The following GRIN2A variants were observed in gnomAD, a reference collection of about 807,000 sequenced individuals.
GRIN2A encodes glutamate ionotropic receptor NMDA type subunit 2A.
Under a neutral mutation model 113.4 loss-of-function variants are expected in GRIN2A, and 22 were observed. The observed-to-expected ratio is 0.19, with a 90% CI of 0.14 to 0.28. GRIN2A has a LOEUF of 0.28. Among genes scored for constraint, GRIN2A ranks in the 10% least tolerant of loss-of-function variants. The pLI, the probability that GRIN2A is intolerant of heterozygous loss-of-function variation, is 1.00. For missense variants in GRIN2A, 1,502 were observed against 1,887.0 expected, an observed-to-expected ratio of 0.80 and a Z score of 3.78; for synonymous variants, 827 against 738.4, an observed-to-expected ratio of 1.12 and a Z score of -1.94.
At chr16:10,090,926 A>G (rs1448399502) in intron 2 of GRIN2A, among the ~76,000 whole-genome samples, 2 of 152,208 alleles carry the variant, frequency 1.3e-5, no homozygotes, top group Non-Finnish European at 1.5e-5. Context: ...CATGGCCAAT[A>G]AGAAATGAAA....
intron 2 of GRIN2A, among the ~76,000 whole-genome samples, chr16:10,133,282 T>C (rs1440791515): frequency 6.6e-6 from 1 of 152,122 alleles, no homozygotes; most frequent in Non-Finnish European, 1.5e-5. Context: ...CAAAACTAAC[T>C]CACGATAGTG....
chr16:9,894,604 G>A (rs1266880747), intron 3 of GRIN2A, among the ~76,000 whole-genome samples: 1 of 152,140 alleles, frequency 6.6e-6, no homozygotes, highest in Non-Finnish European at 1.5e-5. Flanking sequence ...GGACTGTTTA[G>A]TGGAGAACTG....
At chr16:9,971,276 A>G (rs530310466) in intron 2 of GRIN2A, among the ~76,000 whole-genome samples, 74 of 152,302 alleles carry the variant, frequency 4.9e-4, no homozygotes, top group African/African-American at 1.7e-3. Context: ...TGATATAACA[A>G]TTTCCCTTGG....
chr16:10,059,720 GAA>G (rs34385533), intron 2 of GRIN2A, among the ~76,000 whole-genome samples: 3,669 of 118,188 alleles, frequency 0.031, 157 homozygotes, highest in African/African-American at 0.1. Flanking sequence ...CATCGTGACC[GAA>G]AAAAAAAAAA....
At chr16:9,988,956 C>T (rs930585564) in intron 2 of GRIN2A, among the ~76,000 whole-genome samples, 13 of 152,114 alleles carry the variant, frequency 8.5e-5, no homozygotes, top group Admixed American at 3.3e-4. Flanking sequence ...TATCTTGGTC[C>T]ATTATTCTGT....
chr16:9,870,054 C>T (rs918434481), intron 4 of GRIN2A, among the ~76,000 whole-genome samples: 2 of 152,084 alleles, frequency 1.3e-5, no homozygotes, highest in Admixed American at 6.5e-5. Context: ...TAAGAGGAGA[C>T]AGATCTGCTT....
At chr16:9,919,300 T>C (rs2044314742) in intron 3 of GRIN2A, among the ~76,000 whole-genome samples, 1 of 152,210 alleles carries the variant, frequency 6.6e-6, no homozygotes, top group Admixed American at 6.5e-5. Context: ...ATAAATTGCC[T>C]TTATCATCAG....
intron 2 of GRIN2A, among the ~76,000 whole-genome samples, chr16:10,169,148 C>T (rs1368479049): frequency 6.6e-6 from 1 of 152,086 alleles, no homozygotes; most frequent in African/African-American, 2.4e-5. Context: ...CCAGGCTAAA[C>T]ATCCCTAAAT....
At position 9,762,282 on chromosome 16, in the gene GRIN2A, A is replaced by C. The variant is rs961637334; in HGVS notation, c.*867T>G. 6.2e-5 allele frequency: 14 copies of C among 226,340 alleles called. No individual in the cohort carries two copies. The highest frequency in any genetic ancestry group is 3.1e-4 in the African/African-American group (14 of 44,930). 14.0% of individuals were successfully genotyped at this position (226,340 alleles called of 1,614,324 possible). A position where few individuals can be genotyped will look rare whatever the true frequency, so the allele number is the denominator to read the frequency against. On this transcript the variant is annotated 3_prime_UTR_variant, in exon 13 of 13. Coordinates refer to ENST00000330684, the MANE Select transcript of GRIN2A (RefSeq NM_001134407.3). Reference sequence around the variant, plus strand: ...AGGGAGGAAATGCAAACTTACGTACATAGGCGTCTTCGGGATAAACTACAA... The same window carrying C: ...AGGGAGGAAATGCAAACTTACGTACCTAGGCGTCTTCGGGATAAACTACAA...
At chr16:9,789,635 C>T (rs1445528408) in intron 11 of GRIN2A, among the ~76,000 whole-genome samples, 1 of 152,018 alleles carries the variant, frequency 6.6e-6, no homozygotes, top group Non-Finnish European at 1.5e-5. Context: ...TGTTTAAATT[C>T]TTAGGACTGC....
chr16:9,984,672 C>T (rs2045948961), intron 2 of GRIN2A, among the ~76,000 whole-genome samples: 2 of 152,304 alleles, frequency 1.3e-5, no homozygotes, highest in East Asian at 3.9e-4. Flanking sequence ...ACTTCCCAAA[C>T]TCTCAGAGGC....
chr16:10,132,579 A>G (rs1596539287), intron 2 of GRIN2A, among the ~76,000 whole-genome samples: 1 of 152,208 alleles, frequency 6.6e-6, no homozygotes, highest in Admixed American at 6.5e-5. Flanking sequence ...GAGCTAGTCC[A>G]TAGGCATTGG....
chr16:9,779,513 T>A (rs1406961593), intron 11 of GRIN2A, among the ~76,000 whole-genome samples: 2 of 147,584 alleles, frequency 1.4e-5, no homozygotes, highest in African/African-American at 5.0e-5. Flanking sequence ...AAGGAGAGAG[T>A]GGAAAGGAAA....
At chr16:9,788,473 G>T (rs569768633) in intron 11 of GRIN2A, among the ~76,000 whole-genome samples, 1 of 152,072 alleles carries the variant, frequency 6.6e-6, no homozygotes, top group African/African-American at 2.4e-5. Flanking sequence ...GGCCAGGCTG[G>T]TCTCAAACTC....
intron 8 of GRIN2A, among the ~76,000 whole-genome samples, chr16:9,830,921 GT>G (rs2042481233): frequency 6.6e-6 from 1 of 152,170 alleles, no homozygotes; most frequent in African/African-American, 2.4e-5. Context: ...GAACGATTTA[GT>G]TTTTTTAGGG....
chr16:9,850,103 C>A, intron 4 of GRIN2A, 142 bp from the exon 5 acceptor site: 1 of 742,958 alleles, frequency 1.3e-6, no homozygotes. Context: ...TACTTCTGTG[C>A]TAAGACAAAC....
chr16:10,091,403 A>G (rs1305237009), intron 2 of GRIN2A, among the ~76,000 whole-genome samples: 1 of 152,030 alleles, frequency 6.6e-6, no homozygotes, highest in Non-Finnish European at 1.5e-5. Flanking sequence ...TTTGAGATCA[A>G]CCTGGGCAAC....
intron 2 of GRIN2A, chr16:10,111,371 C>A: frequency 2.2e-6 from 1 of 456,312 alleles, no homozygotes; most frequent in South Asian, 2.0e-5. Flanking sequence ...TTCGCGGGGC[C>A]TTGCGGCAGC....
intron 10 of GRIN2A, among the ~76,000 whole-genome samples, chr16:9,800,228 G>A (rs902794496): frequency 6.6e-5 from 10 of 152,154 alleles, no homozygotes; most frequent in Non-Finnish European, 1.5e-5. Context: ...ACCCACCTCG[G>A]CTTCCCAAAG....
Sources: allele counts gnomAD v4.1 joint callset (sites outside exome capture counted in the v4.1 genomes callset), GRCh38; gene constraint gnomAD v4.1.1; transcripts MANE v1.5; gene names NCBI Gene and HGNC (gene_info 2026-07-23, HGNC 2026-07-21).